The following SHISA6 variants were observed in gnomAD, a reference collection of about 807,000 sequenced individuals.
SHISA6 encodes the protein shisa family member 6, also known as protein shisa-6.
A neutral mutation model predicts 47.9 loss-of-function variants in SHISA6; 22 were observed. The ratio of observed to expected loss-of-function variants is 0.46; its 90% CI spans 0.33 to 0.66. The LOEUF (loss-of-function observed/expected upper bound fraction) is 0.66, where lower values mean the gene tolerates loss of function less well. SHISA6 is among the 30% of genes least tolerant of loss of function. The pLI is 0.02. For synonymous variants in SHISA6, 388 were observed against 337.8 expected (o/e 1.15, Z -1.63); for missense variants, 680 against 764.6 (o/e 0.89, Z 1.30).
intron 4 of SHISA6, among the ~76,000 whole-genome samples, chr17:11,554,774 T>C (rs1310312224): frequency 6.6e-6 from 1 of 152,034 alleles, no homozygotes; most frequent in African/African-American, 2.4e-5. Context: ...CATGCTTGTC[T>C]TCTTCCCCAG....
chr17:11,442,750 G>A (rs1915125470), intron 3 of SHISA6, among the ~76,000 whole-genome samples: 1 of 152,170 alleles, frequency 6.6e-6, no homozygotes, highest in South Asian at 2.1e-4. Flanking sequence ...ACCTGTGGGA[G>A]TGGGGGAGGA....
intron 3 of SHISA6, among the ~76,000 whole-genome samples, chr17:11,410,879 A>G (rs886950049): frequency 2.0e-5 from 3 of 152,226 alleles, no homozygotes; most frequent in Non-Finnish European, 4.4e-5. Context: ...TCTGTTGCAT[A>G]AGAGCTCAGA....
At position 11,432,290 on chromosome 17, in the gene SHISA6, A is replaced by T. The variant is rs145235238; in HGVS notation, c.895+52781A>T. 2.4e-3 allele frequency among the ~76,000 whole-genome samples: 370 copies of T among 152,190 alleles called. 2 individuals are homozygous for T. The highest frequency in any genetic ancestry group is 8.5e-3 in the African/African-American group (351 of 41,512). On this transcript the variant is annotated intron_variant, in intron 3 of 5. Coordinates refer to ENST00000441885, the MANE Select transcript of SHISA6 (RefSeq NM_207386.4). Reference sequence around the variant, plus strand: ...TCTCTTGCAACTCTCAGTAGGGTGGACTCCTCTGAGTCAGTGAGAATGGGA... The same window carrying T: ...TCTCTTGCAACTCTCAGTAGGGTGGTCTCCTCTGAGTCAGTGAGAATGGGA...
chr17:11,557,110 G>A (rs571134842), intron 5 of SHISA6, among the ~76,000 whole-genome samples: 40 of 152,318 alleles, frequency 2.6e-4, no homozygotes, highest in East Asian at 1.2e-3. Flanking sequence ...GCTGTGTGGG[G>A]ACTGGAGGCC....
intron 2 of SHISA6, among the ~76,000 whole-genome samples, chr17:11,344,423 A>T (rs1478822553): frequency 1.3e-5 from 2 of 152,022 alleles, no homozygotes; most frequent in African/African-American, 4.8e-5. Flanking sequence ...ACTAAGATTT[A>T]CTCCTATATC....
At chr17:11,282,662 C>G (rs945231607) in intron 2 of SHISA6, among the ~76,000 whole-genome samples, 1 of 152,146 alleles carries the variant, frequency 6.6e-6, no homozygotes, top group African/African-American at 2.4e-5. Context: ...GGTTTTCTGT[C>G]CTTGTGATAG....
intron 3 of SHISA6, among the ~76,000 whole-genome samples, chr17:11,398,540 T>A (rs957444193): frequency 1.3e-5 from 2 of 152,210 alleles, no homozygotes; most frequent in Non-Finnish European, 2.9e-5. Flanking sequence ...TCCAGTATTT[T>A]CATACTTAGG....
At chr17:11,315,484 C>T (rs570458414) in intron 2 of SHISA6, among the ~76,000 whole-genome samples, 3 of 152,102 alleles carry the variant, frequency 2.0e-5, no homozygotes, top group African/African-American at 7.2e-5. Flanking sequence ...ATAGCGGTAA[C>T]AGGCATCCCT....
At chr17:11,318,557 T>C (rs1162711364) in intron 2 of SHISA6, among the ~76,000 whole-genome samples, 3 of 152,204 alleles carry the variant, frequency 2.0e-5, no homozygotes, top group Admixed American at 6.5e-5. Flanking sequence ...CTTGCACTGC[T>C]ATAACACCAT....
chr17:11,299,930 G>A (rs1310495495), intron 2 of SHISA6, among the ~76,000 whole-genome samples: 1 of 152,064 alleles, frequency 6.6e-6, no homozygotes, highest in African/African-American at 2.4e-5. Flanking sequence ...CAGATCACGA[G>A]GTAAGGAGAT....
intron 3 of SHISA6, among the ~76,000 whole-genome samples, chr17:11,403,384 G>A (rs1168726525): frequency 1.3e-5 from 2 of 152,178 alleles, no homozygotes; most frequent in Non-Finnish European, 2.9e-5. Context: ...CTGGGAATCT[G>A]ATTGCTTTGT....
chr17:11,289,548 G>A (rs1163571688), intron 2 of SHISA6: 1 of 129,634 alleles, frequency 7.7e-6, no homozygotes, highest in Non-Finnish European at 1.7e-5. Flanking sequence ...CCCTGGAAAA[G>A]AATCTTTTAA....
intron 3 of SHISA6, among the ~76,000 whole-genome samples, chr17:11,456,382 G>A (rs547280089): frequency 4.9e-4 from 75 of 152,254 alleles, no homozygotes; most frequent in South Asian, 4.3e-3. Flanking sequence ...TCAGTGTGCC[G>A]ACAGTCACCT....
intron 2 of SHISA6, among the ~76,000 whole-genome samples, chr17:11,281,268 T>C (rs1402531066): frequency 6.6e-6 from 1 of 152,144 alleles, no homozygotes; most frequent in African/African-American, 2.4e-5. Flanking sequence ...GTCTTTTGCA[T>C]TGTGATGTTA....
intron 1 of SHISA6, among the ~76,000 whole-genome samples, chr17:11,259,676 A>G (rs1246858162): frequency 6.6e-6 from 1 of 152,266 alleles, no homozygotes; most frequent in Non-Finnish European, 1.5e-5. Flanking sequence ...TGACAACAAT[A>G]ACCAAGGTTT....
At chr17:11,373,994 A>C (rs1912708060) in intron 2 of SHISA6, among the ~76,000 whole-genome samples, 1 of 152,172 alleles carries the variant, frequency 6.6e-6, no homozygotes, top group African/African-American at 2.4e-5. Flanking sequence ...TTTTCAAAGG[A>C]GTTGAACCGA....
Position 11,432,794 on chromosome 17 carries a change from T to TA in SHISA6, c.895+53296dup, listed in dbSNP as rs35946202. 1.8e-3 allele frequency among the ~76,000 whole-genome samples: 269 copies of TA among 147,620 alleles called. 1 individual carries two copies. The highest frequency in any genetic ancestry group is 4.5e-3 in the South Asian group (21 of 4,654). ...AAAGTGAAAGAAGCCAGTGTTGTAT[T>TA]AAAAAAAAAAACCCACGTATTGTAT... On this transcript the variant is annotated intron_variant, in intron 3 of 5. Transcript: ENST00000441885.
intron 2 of SHISA6, among the ~76,000 whole-genome samples, chr17:11,321,082 G>C (rs776300845): frequency 9.9e-5 from 15 of 152,200 alleles, no homozygotes; most frequent in Non-Finnish European, 1.8e-4. Flanking sequence ...GAGGGATGAA[G>C]TATTTATGAA....
intron 2 of SHISA6, among the ~76,000 whole-genome samples, chr17:11,353,313 T>G (rs889103184): frequency 6.6e-6 from 1 of 151,830 alleles, no homozygotes; most frequent in Non-Finnish European, 1.5e-5. Flanking sequence ...AAAAATTAGC[T>G]GGGTGTGGTG....
Sources: gnomAD v4.1 joint callset for allele counts (sites outside exome capture counted in the v4.1 genomes callset) on GRCh38, gnomAD v4.1.1 for gene constraint, MANE v1.5 for transcripts, NCBI Gene and HGNC (gene_info 2026-07-23, HGNC 2026-07-21) for gene names.